Variants in CCDC60 observed in about 807,000 individuals in gnomAD.
The protein encoded by CCDC60 is coiled-coil domain-containing protein 60.
In CCDC60, 54 loss-of-function variants were observed where a neutral mutation model predicts 63.5. That is an observed-to-expected ratio of 0.85 (90% CI 0.68 to 1.07). The LOEUF (loss-of-function observed/expected upper bound fraction) is 1.07, where lower values mean the gene tolerates loss of function less well. CCDC60 is among the 50% of genes least tolerant of loss of function. The pLI, the probability that CCDC60 is intolerant of heterozygous loss-of-function variation, is 0.00. For synonymous variants in CCDC60, 206 were observed against 238.8 expected (o/e 0.86, Z 1.27); for missense variants, 651 against 684.3 (o/e 0.95, Z 0.54).
At chr12:119,432,932 C>T (rs917690352) in intron 2 of CCDC60, among the ~76,000 whole-genome samples, 1 of 152,152 alleles carries the variant, frequency 6.6e-6, no homozygotes, top group Non-Finnish European at 1.5e-5. Flanking sequence ...TTGTTTTATA[C>T]AGTTTGCTAA....
intron 4 of CCDC60, among the ~76,000 whole-genome samples, chr12:119,480,563 CCAT>C (rs1366656616): frequency 1.1e-3 from 163 of 151,820 alleles, no homozygotes; most frequent in African/African-American, 3.8e-3. Flanking sequence ...ATCACCAACA[CCAT>C]CATCATCATC....
At chr12:119,399,264 G>T (rs984718878) in intron 1 of CCDC60, among the ~76,000 whole-genome samples, 2 of 152,162 alleles carry the variant, frequency 1.3e-5, no homozygotes, top group African/African-American at 4.8e-5. Context: ...AGTTCATGGG[G>T]TGCTCAAAAG....
rs548473687 is a variant in CCDC60 at position 119,483,038 on chromosome 12, A to AT, written c.449+3839dup. Among the ~76,000 whole-genome samples, 698 of 152,286 alleles carry AT rather than the reference A, an allele frequency of 4.6e-3. 4 individuals carry two copies. The highest frequency in any genetic ancestry group is 8.6e-3 in the Non-Finnish European group (587 of 68,012). On this transcript the variant is annotated intron_variant, in intron 4 of 13. Transcript: ENST00000327554. Reference sequence around the variant, plus strand: ...AGTGATGATGATGGTGCTGGTGATGATTATTGCATTTTCCATCTGTGAACT... The same window carrying AT: ...AGTGATGATGATGGTGCTGGTGATGATTTATTGCATTTTCCATCTGTGAACT...
Position 119,520,174 on chromosome 12 carries a change from A to G in CCDC60, c.1022A>G (p.Gln341Arg). 1 of 1,613,876 alleles carries G rather than the reference A, an allele frequency of 6.2e-7. No homozygotes were observed. Among genetic ancestry groups the G allele is most frequent in the Non-Finnish European group, 8.5e-7 (1 of 1,179,880 alleles). ...NKSNSAYKEM[Q>R]TTLKSSERSS... ...AGTAATTCTGCTTATAAGGAAATGC[A>G]GACCACTCTCAAATCAAGGTAGGAA... The change falls in exon 9 of 14, where the codon CAG becomes CGG. Residue 341 changes from glutamine to arginine, a missense_variant. Coordinates refer to ENST00000327554, the MANE Select transcript of CCDC60 (RefSeq NM_178499.5).
chr12:119,429,089 G>A (rs971264061), intron 2 of CCDC60, among the ~76,000 whole-genome samples: 6 of 152,146 alleles, frequency 3.9e-5, no homozygotes, highest in East Asian at 1.9e-4. Context: ...TGATGATACC[G>A]TGGAGTCAGA....
At chr12:119,450,868 A>AAGAGAG (rs55677949) in intron 2 of CCDC60, among the ~76,000 whole-genome samples, 1 of 141,716 alleles carries the variant, frequency 7.1e-6, no homozygotes, top group East Asian at 2.2e-4. Context: ...AAAAAAAAAA[A>AAGAGAG]AGAGAGAGAG....
At chr12:119,359,494 T>C (rs1955750754) in intron 1 of CCDC60, among the ~76,000 whole-genome samples, 1 of 152,140 alleles carries the variant, frequency 6.6e-6, no homozygotes, top group Non-Finnish European at 1.5e-5. Context: ...TGAGTACTTA[T>C]ACATATATTT....
chr12:119,519,700 T>C (rs1250305724), intron 8 of CCDC60, among the ~76,000 whole-genome samples: 1 of 152,032 alleles, frequency 6.6e-6, no homozygotes, highest in African/African-American at 2.4e-5. Flanking sequence ...TGACCTCAAG[T>C]GATCCGCTTG....
chr12:119,431,323 T>C (rs555820186), intron 2 of CCDC60, among the ~76,000 whole-genome samples: 18 of 152,340 alleles, frequency 1.2e-4, no homozygotes, highest in African/African-American at 4.3e-4. Context: ...GGAGTGCTGA[T>C]TGGCTGGGTC....
chr12:119,401,879 A>G (rs938663124), intron 1 of CCDC60, among the ~76,000 whole-genome samples: 5 of 152,228 alleles, frequency 3.3e-5, no homozygotes, highest in Admixed American at 2.0e-4. Flanking sequence ...GCTGTAATTC[A>G]GCAACTAGCC....
At chr12:119,417,434 A>AC (rs1355682546) in intron 1 of CCDC60, among the ~76,000 whole-genome samples, 2 of 152,014 alleles carry the variant, frequency 1.3e-5, no homozygotes, top group East Asian at 1.9e-4. Context: ...TTTTCTTTCT[A>AC]CCCCCCTTTT....
chr12:119,417,272 T>C (rs776393177), intron 1 of CCDC60, among the ~76,000 whole-genome samples: 20 of 152,142 alleles, frequency 1.3e-4, no homozygotes, highest in Admixed American at 8.5e-4. Context: ...GATGCTACAT[T>C]GTATGATGTA....
chr12:119,404,439 C>A (rs1956449189), intron 1 of CCDC60, among the ~76,000 whole-genome samples: 1 of 152,198 alleles, frequency 6.6e-6, no homozygotes. Flanking sequence ...CTACCTCCCC[C>A]CCACCACCCT....
At chr12:119,362,315 A>G (rs1395430226) in intron 1 of CCDC60, among the ~76,000 whole-genome samples, 3 of 152,168 alleles carry the variant, frequency 2.0e-5, no homozygotes, top group African/African-American at 7.2e-5. Flanking sequence ...TTACATATCT[A>G]TATACCTGTT....
intron 2 of CCDC60, among the ~76,000 whole-genome samples, chr12:119,445,359 G>T (rs900846874): frequency 6.7e-6 from 1 of 148,828 alleles, no homozygotes; most frequent in Non-Finnish European, 1.5e-5. Context: ...GCTTGAACCC[G>T]GGATGCAGAG....
chr12:119,531,195 G>T, intron 13 of CCDC60, 132 bp downstream of exon 13: 1 of 747,520 alleles, frequency 1.3e-6, no homozygotes, highest in South Asian at 2.3e-5. Flanking sequence ...TCTAATAGTA[G>T]AGGGATTGTC....
At chr12:119,461,060 C>T (rs370493592) in intron 2 of CCDC60, among the ~76,000 whole-genome samples, 2 of 152,066 alleles carry the variant, frequency 1.3e-5, no homozygotes, top group African/African-American at 2.4e-5. Flanking sequence ...TACTGTCTTC[C>T]GATCTCTGCT....
intron 2 of CCDC60, among the ~76,000 whole-genome samples, chr12:119,438,194 C>G (rs1950365059): frequency 6.6e-6 from 1 of 152,042 alleles, no homozygotes; most frequent in South Asian, 2.1e-4. Flanking sequence ...TTTTTCTCTG[C>G]CTTTCTTACA....
intron 1 of CCDC60, among the ~76,000 whole-genome samples, chr12:119,387,059 C>T (rs1176643786): frequency 6.6e-6 from 1 of 151,246 alleles, no homozygotes; most frequent in Non-Finnish European, 1.5e-5. Flanking sequence ...CACACACACA[C>T]ACACACACAC....
Sources: allele counts gnomAD v4.1 joint callset (sites outside exome capture counted in the v4.1 genomes callset), GRCh38; gene constraint gnomAD v4.1.1; transcripts MANE v1.5; gene names NCBI Gene and HGNC (gene_info 2026-07-23, HGNC 2026-07-21).